The following GPLD1 variants were observed in gnomAD, a reference collection of about 807,000 sequenced individuals.
The protein encoded by GPLD1 is phosphatidylinositol-glycan-specific phospholipase D.
In GPLD1, 84 loss-of-function variants were observed where a neutral mutation model predicts 112.6. The ratio of observed to expected loss-of-function variants is 0.75; its 90% CI spans 0.63 to 0.89. The LOEUF is 0.89. GPLD1 is among the 40% of genes least tolerant of loss of function. GPLD1 has a pLI of 0.00. For missense variants in GPLD1, 1,044 were observed against 1,051.5 expected, an observed-to-expected ratio of 0.99 and a Z score of 0.10; for synonymous variants, 386 against 403.8, an observed-to-expected ratio of 0.96 and a Z score of 0.53.
At chr6:24,469,704 ACCAGCATGGCACATGTAT>A (rs1763734663) in intron 7 of GPLD1, among the ~76,000 whole-genome samples, 1 of 146,494 alleles carries the variant, frequency 6.8e-6, no homozygotes, top group African/African-American at 2.5e-5. Context: ...GGTGCAGCGC[ACCAGCATGGCACATGTAT>A]ACATATGTAA....
intron 24 of GPLD1, among the ~76,000 whole-genome samples, chr6:24,431,133 A>T (rs532931774): frequency 6.6e-6 from 1 of 151,990 alleles, no homozygotes; most frequent in South Asian, 2.1e-4. Flanking sequence ...TATTTTTGTT[A>T]TGTGGTTAAT....
Position 24,446,939 on chromosome 6 carries a change from G to T in GPLD1, c.1719C>A (p.Gly573=), listed in dbSNP as rs201729612. ...ATCCAAACCAGGAGAAGTCTTCCTC[G>T]CCTCTCACCGTCCAGTTGGCTGCCT... ...NVEAANWTVR[G]EEDFSWFGYS... Residue 573 remains glycine, a synonymous_variant, in exon 18 of 25, where the codon GGC becomes GGA. Coordinates refer to ENST00000230036, the MANE Select transcript of GPLD1 (RefSeq NM_001503.4). 3.7e-5 allele frequency: 60 copies of T among 1,613,398 alleles called. No individual in the cohort carries two copies. The highest frequency in any genetic ancestry group is 5.1e-5 in the Non-Finnish European group (60 of 1,179,670).
intron 7 of GPLD1, among the ~76,000 whole-genome samples, chr6:24,468,097 GGT>G (rs1763677970): frequency 6.6e-6 from 1 of 151,788 alleles, no homozygotes; most frequent in Non-Finnish European, 1.5e-5. Flanking sequence ...GTAGACATGG[GGT>G]TTCTCCATGT....
intron 3 of GPLD1, among the ~76,000 whole-genome samples, chr6:24,476,525 C>T (rs914849982): frequency 6.6e-6 from 1 of 152,190 alleles, no homozygotes; most frequent in African/African-American, 2.4e-5. Flanking sequence ...GGAGCCTAAA[C>T]TGGCTCACGG....
chr6:24,473,613 CAG>C lies in GPLD1; in HGVS notation c.490+4_490+5del. On this transcript the variant is annotated splice_donor_5th_base_variant and intron_variant, in intron 6 of 24. Coordinates refer to ENST00000230036, the MANE Select transcript of GPLD1 (RefSeq NM_001503.4). ...AGAAAATTTAGCAAATGTAAATAAA[CAG>C]TACCAAAATCACCAGCCGAATGAGC... 6.3e-7 allele frequency: 1 copy of C among 1,586,392 alleles called. No homozygotes were observed. The highest frequency in any genetic ancestry group is 1.7e-4 in the Middle Eastern group (1 of 6,016).
chr6:24,448,089 C>G (rs1381983030), intron 16 of GPLD1, 45 bp downstream of exon 16: 1 of 1,611,632 alleles, frequency 6.2e-7, no homozygotes, highest in African/African-American at 1.3e-5. Context: ...AGTTAGGATA[C>G]AGCGAGTTCT....
chr6:24,467,341 A>G, intron 7 of GPLD1, 67 bp from the exon 8 acceptor site: 1 of 841,486 alleles, frequency 1.2e-6, no homozygotes, highest in Non-Finnish European at 2.1e-6. Context: ...CAACAGCAGC[A>G]GCAGCTACCA....
intron 4 of GPLD1, among the ~76,000 whole-genome samples, chr6:24,475,688 C>CAA (rs35291266): frequency 0.021 from 2,340 of 113,258 alleles, 64 homozygotes; most frequent in African/African-American, 0.075. Flanking sequence ...ACTAAAAATA[C>CAA]AAAAAAAAAA....
In GPLD1 at chr6:24,466,805, G is replaced by A. The variant is rs149146761; in HGVS notation, c.696C>T (p.Tyr232=). 6 of 1,610,386 alleles carry A rather than the reference G, an allele frequency of 3.7e-6. No homozygotes were observed. The highest frequency in any genetic ancestry group is 4.2e-6 in the Non-Finnish European group (5 of 1,177,040). ...MLAVSKLYPT[Y]STKSPFLVEQ... ...CCACCAAAAACGGGGACTTTGTAGA[G>A]TAAGTGGGATATAACTATGGCAGAG... is the stretch of plus-strand genomic sequence containing the variant. Residue 232 remains tyrosine, a synonymous_variant, in exon 10 of 25, where the codon TAC becomes TAT. Coordinates refer to ENST00000230036, the MANE Select transcript of GPLD1 (RefSeq NM_001503.4).
chr6:24,444,799 T>C (rs1762854489), intron 20 of GPLD1, among the ~76,000 whole-genome samples: 1 of 151,948 alleles, frequency 6.6e-6, no homozygotes, highest in Non-Finnish European at 1.5e-5. Context: ...CCATAAGCCA[T>C]AATCACACCG....
At chr6:24,448,260 A>C in intron 15 of GPLD1, 52 bp from the exon 16 acceptor site, 3 of 1,184,260 alleles carry the variant, frequency 2.5e-6, no homozygotes, top group Non-Finnish European at 3.8e-6. Flanking sequence ...GTGACCCAAG[A>C]ACCTTAAATA....
chr6:24,448,413 C>T (rs575183990), intron 15 of GPLD1, among the ~76,000 whole-genome samples: 1 of 142,016 alleles, frequency 7.0e-6, no homozygotes, highest in Admixed American at 7.2e-5. Context: ...GATCCTGTGT[C>T]CACGAAAAAA....
chr6:24,489,494 C>A lies in GPLD1; in HGVS notation c.18G>T (p.Leu6Phe). The A allele has an allele frequency of 6.2e-7, 1 of 1,614,054 alleles. No homozygotes were observed. The highest frequency in any genetic ancestry group is 8.5e-7 in the Non-Finnish European group (1 of 1,179,946). ...CCAACATGATCAGCAGGCCAGGCCA[C>A]AACCTGAAAGCAGACATGATCTCAT... MSAFR[L>F]WPGLLIMLGS... The change falls in exon 1 of 25, where the codon TTG (leucine) becomes TTT (phenylalanine). Residue 6 changes from leucine to phenylalanine, a missense_variant. Coordinates refer to ENST00000230036, the MANE Select transcript of GPLD1 (RefSeq NM_001503.4).
At position 24,454,238 on chromosome 6, in the gene GPLD1, G is replaced by A. The variant is rs376849885; in HGVS notation, c.1149-37C>T. 8.0e-4 allele frequency: 1,176 copies of A among 1,470,480 alleles called. 1 individual carries two copies. The highest frequency in any genetic ancestry group is 9.6e-4 in the Non-Finnish European group (1,034 of 1,080,422). The allele number at this position is 1,470,480 out of a possible 1,614,324, so 91.1% of individuals were successfully genotyped here. On this transcript the variant is annotated intron_variant, in intron 13 of 24. Transcript: ENST00000230036. The stretch of plus-strand genomic sequence containing the variant: ...GAAGGGACCCACCATGGTATGCACT[G>A]AGCACTAGGGTTAAAGCTGTCGCCT...
upstream of GPLD1, among the ~76,000 whole-genome samples, chr6:24,492,365 G>C (rs909485128): frequency 6.6e-6 from 1 of 152,012 alleles, no homozygotes; most frequent in African/African-American, 2.4e-5. Flanking sequence ...AATTAGCCAG[G>C]CATGGTGGCG....
intron 5 of GPLD1, among the ~76,000 whole-genome samples, chr6:24,474,170 CACAT>C (rs796387745): frequency 3.5e-5 from 2 of 57,862 alleles, no homozygotes; most frequent in Admixed American, 1.6e-4. Context: ...AAACCACACC[CACAT>C]ACACACACAC....
intron 10 of GPLD1, among the ~76,000 whole-genome samples, chr6:24,463,917 C>A (rs568410955): frequency 6.6e-6 from 1 of 152,176 alleles, no homozygotes; most frequent in Middle Eastern, 3.4e-3. Flanking sequence ...GAATTTTACA[C>A]CTTGGTAAAT....
chr6:24,452,547 G>A (rs537346977), intron 14 of GPLD1, among the ~76,000 whole-genome samples: 22 of 152,202 alleles, frequency 1.4e-4, no homozygotes, highest in Non-Finnish European at 2.5e-4. Context: ...AGGCTGAGGC[G>A]GACGGACCAC....
intron 3 of GPLD1, 80 bp from the exon 4 acceptor site, chr6:24,476,358 C>T (rs368704508): frequency 3.3e-5 from 24 of 725,984 alleles, no homozygotes; most frequent in Middle Eastern, 2.3e-4. Flanking sequence ...CCACCCGCTG[C>T]GCTGCTGTGT....
Sources: allele counts gnomAD v4.1 joint callset (sites outside exome capture counted in the v4.1 genomes callset), GRCh38; gene constraint gnomAD v4.1.1; transcripts MANE v1.5; gene names NCBI Gene and HGNC (gene_info 2026-07-23, HGNC 2026-07-21).